Variants in BAIAP2 observed in about 807,000 individuals in gnomAD.
BAIAP2 encodes the protein BAR/IMD domain containing adaptor protein 2.
BAIAP2 carries 18 observed loss-of-function variants against 63.0 expected under a neutral mutation model. The observed-to-expected ratio is 0.29, with a 90% CI of 0.20 to 0.42. The LOEUF (loss-of-function observed/expected upper bound fraction) is 0.42. Among genes scored for constraint, BAIAP2 ranks in the 10% least tolerant of loss-of-function variants. The pLI is 1.00. For synonymous variants in BAIAP2, 386 were observed against 307.6 expected, an observed-to-expected ratio of 1.25 and a Z score of -2.67; for missense variants, 610 against 734.3, an observed-to-expected ratio of 0.83 and a Z score of 1.96.
intron 3 of BAIAP2, among the ~76,000 whole-genome samples, chr17:81,081,351 GC>G (rs963344844): frequency 6.6e-6 from 1 of 152,174 alleles, no homozygotes; most frequent in African/African-American, 2.4e-5. Flanking sequence ...AGGGCAGTCT[GC>G]CCCCGGCCTG....
At chr17:81,080,228 C>A (rs140995400) in intron 3 of BAIAP2, among the ~76,000 whole-genome samples, 178 of 152,374 alleles carry the variant, frequency 1.2e-3, no homozygotes, top group Non-Finnish European at 1.9e-3. Context: ...ACTCATGCTC[C>A]CGGCTGGGGC....
intron 9 of BAIAP2, 105 bp from the exon 10 acceptor site, chr17:81,104,409 C>T: frequency 1.5e-6 from 2 of 1,291,818 alleles, no homozygotes; most frequent in Non-Finnish European, 2.1e-6. Context: ...CACTTACCCA[C>T]CTGGGGCACA....
Position 81,116,033 on chromosome 17 carries a change from T to G in BAIAP2, c.*194T>G. On this transcript the variant is annotated 3_prime_UTR_variant, in exon 14 of 14. Transcript: ENST00000428708. ...CCGGGCAGAGTGGGGCGCAGGCCCC[T>G]GAAGGGCGAGACCCAGTGGCTGGGC... 1 of 1,458,718 alleles carries G rather than the reference T, an allele frequency of 6.9e-7. No homozygotes were observed. The highest frequency in any genetic ancestry group is 9.0e-7 in the Non-Finnish European group (1 of 1,108,728). The allele number at this position is 1,458,718 out of a possible 1,614,324, so 90.4% of individuals were successfully genotyped here.
intron 3 of BAIAP2, among the ~76,000 whole-genome samples, chr17:81,079,627 CACACCT>C (rs1275160205): frequency 1.3e-5 from 2 of 152,192 alleles, no homozygotes; most frequent in Non-Finnish European, 2.9e-5. Context: ...GCTGCACTCC[CACACCT>C]ACATCCTGAG....
intron 10 of BAIAP2, chr17:81,105,388 C>G (rs927005239): frequency 6.5e-6 from 1 of 153,966 alleles, no homozygotes; most frequent in South Asian, 2.0e-4. Context: ...TTCGCAGGTG[C>G]AGAGCAGGGC....
chr17:81,037,157 G>T (rs146965494), intron 1 of BAIAP2, among the ~76,000 whole-genome samples: 1 of 152,242 alleles, frequency 6.6e-6, no homozygotes, highest in Non-Finnish European at 1.5e-5. Flanking sequence ...CAGACCAGCT[G>T]GTCTGGAGCA....
chr17:81,088,479 T>C (rs945835581), intron 6 of BAIAP2, among the ~76,000 whole-genome samples: 62 of 152,176 alleles, frequency 4.1e-4, no homozygotes, highest in Non-Finnish European at 1.5e-4. Context: ...CATCACTCAG[T>C]CCGTTTTAGA....
At position 81,059,066 on chromosome 17, in the gene BAIAP2, C is replaced by T. The variant is rs150978728; in HGVS notation, c.217+1099C>T. Among the ~76,000 whole-genome samples, 735 of 152,298 alleles carry T rather than the reference C, an allele frequency of 4.8e-3. 4 individuals carry two copies. Among genetic ancestry groups the T allele is most frequent in the South Asian group, 0.03 (147 of 4,828 alleles). On this transcript the variant is annotated intron_variant, in intron 3 of 13. Transcript: ENST00000428708. ...TCTCCAGTTCACTCACGACGTCCTGCGCCGGGAGGCAGACCTGCCGGCCGC... is the reference window on the plus strand; with the variant it reads ...TCTCCAGTTCACTCACGACGTCCTGTGCCGGGAGGCAGACCTGCCGGCCGC...
At chr17:81,097,434 G>C (rs1446342673) in intron 6 of BAIAP2, 1 of 152,322 alleles carries the variant, frequency 6.6e-6, no homozygotes, top group East Asian at 1.9e-4. Flanking sequence ...GGCTTGCGGG[G>C]GTAGGCAGCC....
intron 3 of BAIAP2, among the ~76,000 whole-genome samples, chr17:81,070,584 G>A (rs752846539): frequency 2.8e-4 from 43 of 152,216 alleles, no homozygotes; most frequent in Middle Eastern, 3.2e-3. Flanking sequence ...GCAGGAGAAG[G>A]CCCTGGCGTG....
rs746723636 is a variant in BAIAP2 at position 81,103,928 on chromosome 17, A to C, written c.886A>C (p.Thr296Pro). The C allele has an allele frequency of 5.0e-6, 8 of 1,613,000 alleles. No individual in the cohort carries two copies. Among genetic ancestry groups the C allele is most frequent in the Non-Finnish European group, 6.8e-6 (8 of 1,180,018 alleles). Residue 296 changes from threonine (T) to proline (P), a missense_variant, in exon 9 of 14, where the codon ACA becomes CCA. By Grantham distance (38) the Thr-to-Pro change is conservative. This residue lies in a region of BAIAP2 where 389 missense variants were observed against 455.6 expected (regional missense o/e 0.85). Transcript: ENST00000428708. Reference protein sequence around the residue: ...FVGRMSAQESTPIMNGVTGPD... With the variant: ...FVGRMSAQESPPIMNGVTGPD... Reference sequence around the variant, plus strand: ...GCAGCGGATGTCTGCCCAGGAGAGCACACCCATCATGAACGGCGTCACAGG... The same window carrying C: ...GCAGCGGATGTCTGCCCAGGAGAGCCCACCCATCATGAACGGCGTCACAGG...
intron 13 of BAIAP2, among the ~76,000 whole-genome samples, chr17:81,111,806 G>A (rs892574587): frequency 3.3e-5 from 5 of 152,258 alleles, no homozygotes; most frequent in South Asian, 2.1e-4. Context: ...ACCTGTGTCT[G>A]GGCGGGTCCT....
intron 3 of BAIAP2, among the ~76,000 whole-genome samples, chr17:81,081,298 G>A (rs532909092): frequency 6.6e-6 from 1 of 152,280 alleles, no homozygotes; most frequent in East Asian, 1.9e-4. Flanking sequence ...TGCCTCCCCC[G>A]GGGTCCCACC....
At chr17:81,059,200 G>A (rs958771004) in intron 3 of BAIAP2, among the ~76,000 whole-genome samples, 1 of 152,230 alleles carries the variant, frequency 6.6e-6, no homozygotes, top group Non-Finnish European at 1.5e-5. Context: ...GGTGATGCCC[G>A]GGCGGCTGGA....
chr17:81,069,811 C>T (rs555299855), intron 3 of BAIAP2, among the ~76,000 whole-genome samples: 11 of 152,328 alleles, frequency 7.2e-5, no homozygotes, highest in South Asian at 4.1e-4. Context: ...TCGCCGGTCA[C>T]GTGGGAGCCA....
intron 3 of BAIAP2, among the ~76,000 whole-genome samples, chr17:81,065,067 C>T (rs2144608072): frequency 6.6e-6 from 1 of 152,316 alleles, no homozygotes; most frequent in African/African-American, 2.4e-5. Context: ...CTCAAAGCCC[C>T]TGAGCCAGTG....
chr17:81,040,513 G>A (rs972315368), intron 1 of BAIAP2, among the ~76,000 whole-genome samples: 1 of 152,380 alleles, frequency 6.6e-6, no homozygotes, highest in African/African-American at 2.4e-5. Context: ...GACCCGTTTG[G>A]CTCTGTGACT....
intron 13 of BAIAP2, chr17:81,109,604 C>A: frequency 2.0e-6 from 2 of 985,336 alleles, no homozygotes; most frequent in Non-Finnish European, 2.4e-6. Context: ...GCTCGAGGGG[C>A]CTCCTGAGGA....
intron 6 of BAIAP2, among the ~76,000 whole-genome samples, chr17:81,095,805 C>T (rs116299718): frequency 0.012 from 1,768 of 152,252 alleles, 33 homozygotes; most frequent in African/African-American, 0.04. Flanking sequence ...CCACTCCCAG[C>T]CATTTACGGG....
Sources: gnomAD v4.1 joint callset for allele counts (sites outside exome capture counted in the v4.1 genomes callset) on GRCh38, gnomAD v4.1.1 for gene constraint, gnomAD v4.1.1 regional missense constraint, MANE v1.5 for transcripts, NCBI Gene and HGNC (gene_info 2026-07-23, HGNC 2026-07-21) for gene names.